Variants in OSBPL9 observed in about 807,000 individuals in gnomAD.
The protein encoded by OSBPL9 is oxysterol-binding protein-related protein 9.
Under a neutral mutation model 106.6 loss-of-function variants are expected in OSBPL9, and 40 were observed. The observed-to-expected ratio is 0.38, with a 90% CI of 0.29 to 0.49. OSBPL9 has a LOEUF of 0.49. Among genes scored for constraint, OSBPL9 ranks in the 20% least tolerant of loss-of-function variants. OSBPL9 has a pLI of 0.97. For missense variants in OSBPL9, 609 were observed against 887.2 expected, an observed-to-expected ratio of 0.69 and a Z score of 3.98; for synonymous variants, 269 against 295.4, an observed-to-expected ratio of 0.91 and a Z score of 0.92.
chr1:51,692,668 CT>C (rs76854917), intron 3 of OSBPL9, among the ~76,000 whole-genome samples: 308 of 82,540 alleles, frequency 3.7e-3, no homozygotes, highest in Middle Eastern at 0.016. Flanking sequence ...TTTCTTTCTT[CT>C]TTTTTTTTTT....
intron 3 of OSBPL9, 155 bp downstream of exon 3, chr1:51,669,667 G>A (rs1235775053): frequency 2.7e-6 from 2 of 735,170 alleles, no homozygotes; most frequent in African/African-American, 3.5e-5. Flanking sequence ...CTGCAGGTTA[G>A]GCAGGGATTT....
intron 1 of OSBPL9, among the ~76,000 whole-genome samples, chr1:51,632,806 A>T (rs1379117749): frequency 1.3e-5 from 2 of 152,114 alleles, no homozygotes; most frequent in African/African-American, 4.8e-5. Context: ...CACCTGAAAG[A>T]GGAGTAAGTT....
chr1:51,579,362 A>C (rs1050620167), intron 1 of OSBPL9, among the ~76,000 whole-genome samples: 1 of 152,200 alleles, frequency 6.6e-6, no homozygotes, highest in African/African-American at 2.4e-5. Flanking sequence ...AAAGAGATGT[A>C]AATATTTTTA....
At chr1:51,649,736 CTTTT>C (rs71578080) in intron 1 of OSBPL9, among the ~76,000 whole-genome samples, 1 of 97,010 alleles carries the variant, frequency 1.0e-5, no homozygotes, top group African/African-American at 3.9e-5. Flanking sequence ...ACATGTTAGT[CTTTT>C]TTTTTTTTTT....
intron 3 of OSBPL9, among the ~76,000 whole-genome samples, chr1:51,703,523 C>G (rs1211480565): frequency 6.6e-6 from 1 of 152,172 alleles, no homozygotes; most frequent in South Asian, 2.1e-4. Context: ...AGTTGCTTAT[C>G]AGCTTAAGGA....
At position 51,651,984 on chromosome 1, in the gene OSBPL9, C is replaced by A. The variant is rs562072276; in HGVS notation, c.112-7C>A. The A allele has an allele frequency of 3.1e-6, 5 of 1,603,552 alleles. No individual in the cohort carries two copies. In the Admixed American group the frequency reaches 8.5e-5, roughly 27 times the overall value. On this transcript the variant is annotated splice_region_variant and splice_polypyrimidine_tract_variant and intron_variant, in intron 1 of 23. Coordinates refer to ENST00000428468, the MANE Select transcript of OSBPL9 (RefSeq NM_024586.6). ...TTTATTCATTGAATGCTTTGTTTTT[C>A]TTTTAGTCCAAGGACAAAATGATGA... is the stretch of plus-strand genomic sequence containing the variant.
chr1:51,720,799 T>TA (rs1277273317), intron 4 of OSBPL9, among the ~76,000 whole-genome samples: 94 of 146,814 alleles, frequency 6.4e-4, no homozygotes, highest in Non-Finnish European at 1.3e-3. Context: ...GGAATTTTTT[T>TA]TTTTTTTTTT....
the OSBPL9 span, among the ~76,000 whole-genome samples, chr1:51,531,219 A>T: frequency 6.6e-6 from 1 of 152,212 alleles, no homozygotes; most frequent in Non-Finnish European, 1.5e-5. Context: ...CAGAGGTTGC[A>T]GTGAGCCAAG....
intron 1 of OSBPL9, 111 bp downstream of exon 1, chr1:51,617,332 C>T (rs1644109411): frequency 4.6e-6 from 5 of 1,084,870 alleles, no homozygotes; most frequent in Admixed American, 2.8e-5. Flanking sequence ...CTGGGGGTGC[C>T]GCCGTACGCG....
intron 1 of OSBPL9, among the ~76,000 whole-genome samples, chr1:51,645,920 A>G (rs777269681): frequency 2.0e-5 from 3 of 152,014 alleles, no homozygotes; most frequent in African/African-American, 4.8e-5. Context: ...AAATCACTTG[A>G]TTATGTATGT....
At chr1:51,530,740 G>C in the OSBPL9 span, among the ~76,000 whole-genome samples, 1 of 151,982 alleles carries the variant, frequency 6.6e-6, no homozygotes, top group Non-Finnish European at 1.5e-5. Flanking sequence ...GCTCACACCT[G>C]TAGTCCCAGT....
intron 15 of OSBPL9, among the ~76,000 whole-genome samples, chr1:51,777,780 G>A (rs999111207): frequency 9.2e-5 from 14 of 152,058 alleles, no homozygotes; most frequent in African/African-American, 1.9e-4. Context: ...AAAATGGAAC[G>A]TACCAGTTGT....
At chr1:51,688,906 A>G (rs1430630606) in intron 3 of OSBPL9, among the ~76,000 whole-genome samples, 1 of 152,236 alleles carries the variant, frequency 6.6e-6, no homozygotes, top group African/African-American at 2.4e-5. Flanking sequence ...TTAACAGCTT[A>G]TGCTAAATAT....
intron 2 of OSBPL9, 136 bp downstream of exon 2, chr1:51,652,177 A>C (rs1317046657): frequency 1.6e-6 from 1 of 622,750 alleles, no homozygotes; most frequent in Non-Finnish European, 2.7e-6. Flanking sequence ...CAGAGAGAAA[A>C]TGTGATTTCT....
At chr1:51,728,545 G>T (rs1025395485) in intron 4 of OSBPL9, among the ~76,000 whole-genome samples, 2 of 152,136 alleles carry the variant, frequency 1.3e-5, no homozygotes, top group Non-Finnish European at 2.9e-5. Context: ...TACTGAGACA[G>T]GGAGCCCTGG....
chr1:51,705,516 C>T (rs544381329), intron 3 of OSBPL9, among the ~76,000 whole-genome samples: 8 of 142,724 alleles, frequency 5.6e-5, no homozygotes, highest in South Asian at 2.3e-4. Context: ...CTGGTTCAAG[C>T]GATTCTCCTG....
intron 1 of OSBPL9, among the ~76,000 whole-genome samples, chr1:51,633,899 A>G (rs1645264035): frequency 6.6e-6 from 1 of 152,222 alleles, no homozygotes; most frequent in Non-Finnish European, 1.5e-5. Context: ...TGCTGGGATT[A>G]CAGGTGTAAG....
chr1:51,615,127 C>T (rs571550502), upstream of OSBPL9, among the ~76,000 whole-genome samples: 1 of 152,300 alleles, frequency 6.6e-6, no homozygotes, highest in Non-Finnish European at 1.5e-5. Flanking sequence ...AGGCGAGCGC[C>T]TGTAATCCCA....
intron 2 of OSBPL9, among the ~76,000 whole-genome samples, chr1:51,655,631 A>G (rs573804710): frequency 2.6e-5 from 4 of 152,224 alleles, no homozygotes; most frequent in Admixed American, 1.3e-4. Flanking sequence ...AGGAGATTAT[A>G]CAGGGGCAAG....
Sources: gnomAD v4.1 joint callset for allele counts (sites outside exome capture counted in the v4.1 genomes callset) on GRCh38, gnomAD v4.1.1 for gene constraint, MANE v1.5 for transcripts, NCBI Gene and HGNC (gene_info 2026-07-23, HGNC 2026-07-21) for gene names.